MYO9B: variants seen among roughly 807,000 people sequenced by gnomAD.
MYO9B encodes myosin IXB.
Under a neutral mutation model 229.5 loss-of-function variants are expected in MYO9B, and 71 were observed. The ratio of observed to expected loss-of-function variants is 0.31; its 90% CI spans 0.26 to 0.38. The LOEUF (loss-of-function observed/expected upper bound fraction) is 0.38, where lower values mean the gene tolerates loss of function less well. Ranked by LOEUF, MYO9B falls within the 10% of genes least tolerant of loss-of-function variation. The probability of loss-of-function intolerance (pLI) is 1.00; values close to 1 mark genes in which losing one functional copy is unlikely to be tolerated. For synonymous variants in MYO9B, 1,185 were observed against 1,235.8 expected (o/e 0.96, Z 0.86); for missense variants, 2,255 against 2,920.5 (o/e 0.77, Z 5.25).
Position 17,175,704 on chromosome 19 carries a change from C to A in MYO9B, c.2182C>A (p.Pro728Thr). The A allele has an allele frequency of 2.5e-6, 4 of 1,574,892 alleles. No individual in the cohort carries two copies. Among genetic ancestry groups the A allele is most frequent in the Non-Finnish European group, 3.4e-6 (4 of 1,160,542 alleles). The change falls in exon 14 of 40, where the codon CCA becomes ACA. Residue 728 changes from proline to threonine, a missense_variant. Around this residue, in one of 7 missense-constraint regions of MYO9B, gnomAD observed 155 missense variants for 159.1 expected, o/e 0.97. Coordinates refer to ENST00000682292, the MANE Select transcript of MYO9B (RefSeq NM_004145.4). ...PGAQSHPEEL[P>T]RGASTPSEKL... The stretch of plus-strand genomic sequence containing the variant: ...TGCCCAAAGTCACCCAGAAGAGCTG[C>A]CAAGAGGAGCCAGCACCCCTTCGGA...
At chr19:17,086,760 G>A (rs1431614427) in intron 1 of MYO9B, among the ~76,000 whole-genome samples, 1 of 152,068 alleles carries the variant, frequency 6.6e-6, no homozygotes, top group East Asian at 1.9e-4. Context: ...CACGCCTGTT[G>A]TCCCAGCTAC....
At chr19:17,106,304 G>A (rs990994693) in intron 2 of MYO9B, among the ~76,000 whole-genome samples, 28 of 152,230 alleles carry the variant, frequency 1.8e-4, no homozygotes, top group Admixed American at 6.5e-4. Flanking sequence ...CAGACCGCCC[G>A]TTCATTGCTG....
At chr19:17,158,447 T>C (rs991319477) in intron 7 of MYO9B, among the ~76,000 whole-genome samples, 1 of 151,788 alleles carries the variant, frequency 6.6e-6, no homozygotes, top group Non-Finnish European at 1.5e-5. Flanking sequence ...ATACAAAAAT[T>C]AACTGGGCAT....
chr19:17,150,609 G>T (rs757078979), intron 3 of MYO9B, among the ~76,000 whole-genome samples: 3 of 141,950 alleles, frequency 2.1e-5, no homozygotes, highest in Non-Finnish European at 4.8e-5. Flanking sequence ...TGATAGACCG[G>T]CCCCACCAGA....
chr19:17,163,749 G>A (rs988435844), intron 10 of MYO9B, among the ~76,000 whole-genome samples: 1 of 152,130 alleles, frequency 6.6e-6, no homozygotes, highest in Non-Finnish European at 1.5e-5. Flanking sequence ...TTTGTGACTG[G>A]CTTATTTCGC....
In MYO9B at chr19:17,195,364, T is replaced by TGGCGGGGCAAGAAGCTGGTG; in HGVS notation, c.3939_3958dup (p.Ala1320GlyfsTer140). ...GCGGCTGGCCAGCGCCGTGGAACTG[T>TGGCGGGGCAAGAAGCTGGTG]GGCGGGGCAAGAAGCTGGTGGCCGC... On this transcript the variant is annotated frameshift_variant, in exon 22 of 40. Coordinates refer to ENST00000682292, the MANE Select transcript of MYO9B (RefSeq NM_004145.4). LOFTEE classifies it high-confidence loss of function. The surrounding 1 kb of genome is among the most constrained non-coding windows in gnomAD (Gnocchi z 4.5). 6.2e-7 allele frequency: 1 copy of TGGCGGGGCAAGAAGCTGGTG among 1,611,484 alleles called. No individual in the cohort carries two copies. The highest frequency in any genetic ancestry group is 8.5e-7 in the Non-Finnish European group (1 of 1,179,572).
intron 2 of MYO9B, among the ~76,000 whole-genome samples, chr19:17,104,646 G>T (rs1165881868): frequency 1.3e-5 from 2 of 151,408 alleles, no homozygotes; most frequent in African/African-American, 2.4e-5. Context: ...GGCTGGTCTC[G>T]AACTCCTGGA....
chr19:17,146,382 CATGGATGG>C (rs1159430575), intron 3 of MYO9B, among the ~76,000 whole-genome samples: 1 of 113,818 alleles, frequency 8.8e-6, no homozygotes, highest in Admixed American at 8.3e-5. Context: ...TGGATAGATT[CATGGATGG>C]ATGGATGGAT....
In MYO9B at chr19:17,144,744, G is replaced by A. The variant is rs548960921; in HGVS notation, c.841-653G>A. Among the ~76,000 whole-genome samples, 32 of 152,032 alleles carry A rather than the reference G, an allele frequency of 2.1e-4. No homozygotes were observed. The East Asian group carries it at 4.1e-3, about 19-fold the overall frequency. ...AGCACTTTGGGAGGCCAAGGTGGGC[G>A]GATTGTCTGAGCTCAGGAGTTCGAG... On this transcript the variant is annotated intron_variant, in intron 2 of 39. Coordinates refer to ENST00000682292, the MANE Select transcript of MYO9B (RefSeq NM_004145.4).
chr19:17,207,371 C>T, intron 35 of MYO9B, 127 bp downstream of exon 35: 2 of 1,300,212 alleles, frequency 1.5e-6, no homozygotes, highest in South Asian at 2.9e-5. Flanking sequence ...GCGGTTCACA[C>T]CTGTAATCCT....
In MYO9B at chr19:17,172,601, CG is replaced by C. The variant is rs1190004729; in HGVS notation, c.1935+126del. 1.4e-6 allele frequency: 2 copies of C among 1,459,170 alleles called. No individual in the cohort carries two copies. Among genetic ancestry groups the C allele is most frequent in the African/African-American group, 2.8e-5 (2 of 71,622 alleles). 90.4% of individuals were successfully genotyped at this position (1,459,170 alleles called of 1,614,324 possible). ...GTGCTCAGAACCCACCGCGAATCCC[CG>C]GCTCCAATGTCCAAGGCGCCATAGT... On this transcript the variant is annotated intron_variant, in intron 12 of 39. Transcript: ENST00000682292. This position sits in a 1 kb window ranked among gnomAD's most constrained non-coding sequence, Gnocchi z 8.2.
At chr19:17,168,419 G>A (rs1260395624) in intron 11 of MYO9B, among the ~76,000 whole-genome samples, 1 of 152,180 alleles carries the variant, frequency 6.6e-6, no homozygotes, top group Non-Finnish European at 1.5e-5. Context: ...TCCCGCCTTG[G>A]CCTCCGAGAG....
In MYO9B at chr19:17,101,749, G is replaced by A. The variant is rs750726495; in HGVS notation, c.32G>A (p.Arg11His). MSVKEAGSSG[R>H]REQAAYHLHI... ...GTGAAAGAGGCAGGCAGCTCGGGCC[G>A]CCGGGAGCAGGCGGCCTACCACCTG... The change falls in exon 2 of 40, where the codon CGC becomes CAC. Residue 11 changes from arginine (R) to histidine (H), a missense_variant. This residue lies in a region of MYO9B where 386 missense variants were observed against 515.2 expected (regional missense o/e 0.75). Transcript: ENST00000682292. This position sits in a 1 kb window ranked among gnomAD's most constrained non-coding sequence, Gnocchi z 4.7. 36 of 1,591,696 alleles carry A rather than the reference G, an allele frequency of 2.3e-5. No homozygotes were observed. The highest frequency in any genetic ancestry group is 5.4e-5 in the African/African-American group (4 of 74,678).
At chr19:17,204,455 G>T (rs574300991) in intron 30 of MYO9B, among the ~76,000 whole-genome samples, 1 of 151,610 alleles carries the variant, frequency 6.6e-6, no homozygotes, top group South Asian at 2.1e-4. Context: ...GCCAGGCTGG[G>T]TCTGAGGCCA....
intron 2 of MYO9B, among the ~76,000 whole-genome samples, chr19:17,123,459 T>TGA (rs1555803703): frequency 6.7e-6 from 1 of 149,554 alleles, no homozygotes; most frequent in African/African-American, 2.5e-5. Flanking sequence ...TGTGTGTGTG[T>TGA]GATGGAGTTT....
At chr19:17,110,405 G>A (rs564942311) in intron 2 of MYO9B, among the ~76,000 whole-genome samples, 1 of 152,180 alleles carries the variant, frequency 6.6e-6, no homozygotes, top group Non-Finnish European at 1.5e-5. Flanking sequence ...CCCAGGGGCT[G>A]TGGATAGAGC....
At chr19:17,133,324 T>C (rs1347834532) in intron 2 of MYO9B, among the ~76,000 whole-genome samples, 1 of 152,160 alleles carries the variant, frequency 6.6e-6, no homozygotes, top group African/African-American at 2.4e-5. Context: ...ATTTTCAAAA[T>C]ACAAAAATAT....
In MYO9B at chr19:17,210,448, G is replaced by T. The variant is rs138230628; in HGVS notation, c.5796+68G>T. The T allele has an allele frequency of 1.6e-3, 2,395 of 1,481,338 alleles. 22 individuals are homozygous for T. In the African/African-American group the frequency reaches 0.028, roughly 18 times the overall value. The allele number at this position is 1,481,338 out of a possible 1,614,324, so 91.8% of individuals were successfully genotyped here. ...GCAGTGCATGCTGGGGTTCCCTGGG[G>T]CCCTGGGCCCCTCGTAGGATAGACA... is the stretch of plus-strand genomic sequence containing the variant. On this transcript the variant is annotated intron_variant, in intron 37 of 39. Coordinates refer to ENST00000682292, the MANE Select transcript of MYO9B (RefSeq NM_004145.4).
Position 17,172,862 on chromosome 19 carries a change from T to C in MYO9B, c.2039T>C (p.Val680Ala). 1.2e-6 allele frequency: 2 copies of C among 1,608,696 alleles called. No homozygotes were observed. Among genetic ancestry groups the C allele is most frequent in the Non-Finnish European group, 1.7e-6 (2 of 1,179,764 alleles). ...CGGGAGCTCATCGGCATGGACCCCG[T>C]GGCCGTGTTCCGCTGGGCCGTGCTC... ...YVRELIGMDP[V>A]AVFRWAVLRA... Residue 680 changes from valine (V) to alanine (A), a missense_variant, in exon 13 of 40, where the codon GTG becomes GCG. Physicochemically the swap from Val to Ala is moderately conservative, Grantham distance 64 (BLOSUM62 0). Transcript: ENST00000682292. This position sits in a 1 kb window ranked among gnomAD's most constrained non-coding sequence, Gnocchi z 8.2.
Sources: allele counts gnomAD v4.1 joint callset (sites outside exome capture counted in the v4.1 genomes callset), GRCh38; gene constraint gnomAD v4.1.1; regional missense constraint gnomAD v4.1.1; non-coding constraint Gnocchi (gnomAD v3.1); transcripts MANE v1.5; gene names NCBI Gene and HGNC (gene_info 2026-07-23, HGNC 2026-07-21).